Variants in GRID2 observed in about 807,000 individuals in gnomAD.
GRID2 encodes glutamate receptor ionotropic, delta-2.
A neutral mutation model predicts 114.8 loss-of-function variants in GRID2; 33 were observed. The ratio of observed to expected loss-of-function variants is 0.29; its 90% CI spans 0.22 to 0.38. The LOEUF is 0.38. Among genes scored for constraint, GRID2 ranks in the 10% least tolerant of loss-of-function variants. The pLI, the probability that GRID2 is intolerant of heterozygous loss-of-function variation, is 1.00. For synonymous variants in GRID2, 505 were observed against 449.9 expected (o/e 1.12, Z -1.55); for missense variants, 1,184 against 1,257.7 (o/e 0.94, Z 0.89).
At chr4:93,392,510 A>G (rs1485241808) in intron 8 of GRID2, among the ~76,000 whole-genome samples, 1 of 152,156 alleles carries the variant, frequency 6.6e-6, no homozygotes, top group East Asian at 1.9e-4. Flanking sequence ...ATTATTTTAA[A>G]AAGTTATTAT....
chr4:93,578,705 T>C (rs1229289476), intron 13 of GRID2, among the ~76,000 whole-genome samples: 1 of 147,968 alleles, frequency 6.8e-6, no homozygotes, highest in Non-Finnish European at 1.5e-5. Flanking sequence ...GCCATTCTCC[T>C]GCCTCAGCCT....
intron 1 of GRID2, among the ~76,000 whole-genome samples, chr4:93,803,618 A>G (rs1444663231): frequency 1.1e-4 from 16 of 152,108 alleles, no homozygotes; most frequent in Non-Finnish European, 2.4e-4. Context: ...GCCACTCGGG[A>G]GGCTGAGGCA....
At chr4:93,584,575 A>T (rs900816067) in intron 13 of GRID2, among the ~76,000 whole-genome samples, 2 of 152,106 alleles carry the variant, frequency 1.3e-5, no homozygotes, top group African/African-American at 4.8e-5. Flanking sequence ...AAGAGGATAC[A>T]ATAAAAGTAT....
chr4:93,677,215 G>T lies in GRID2; in HGVS notation c.2360+50780G>T, dbSNP rs1409779423. On this transcript the variant is annotated intron_variant, in intron 14 of 15. Transcript: ENST00000282020. Reference sequence around the variant, plus strand: ...TGAGATCAAACTGCAAGGTGGCAGTGAGGCTGGGGGAGGGGCGCCCGCCAT... The same window carrying T: ...TGAGATCAAACTGCAAGGTGGCAGTTAGGCTGGGGGAGGGGCGCCCGCCAT... 2.0e-5 allele frequency among the ~76,000 whole-genome samples: 3 copies of T among 152,208 alleles called. No individual in the cohort carries two copies. In the East Asian group the frequency reaches 5.8e-4, roughly 29 times the overall value.
At chr4:93,133,291 C>G (rs1734965738) in intron 4 of GRID2, among the ~76,000 whole-genome samples, 2 of 152,076 alleles carry the variant, frequency 1.3e-5, no homozygotes, top group African/African-American at 4.8e-5. Flanking sequence ...ATCTTTTATT[C>G]CTGATACATA....
chr4:93,359,704 A>G (rs543899438), intron 8 of GRID2, among the ~76,000 whole-genome samples: 15 of 146,468 alleles, frequency 1.0e-4, no homozygotes, highest in Non-Finnish European at 2.3e-4. Context: ...ATTCAACATA[A>G]TGATCTCTGG....
chr4:92,337,388 G>A (rs534875681), intron 1 of GRID2, among the ~76,000 whole-genome samples: 2 of 152,230 alleles, frequency 1.3e-5, no homozygotes, highest in South Asian at 2.1e-4. Flanking sequence ...TCTACAAGCA[G>A]AGCCTGAGTT....
chr4:92,457,735 A>G (rs1172349867), intron 1 of GRID2, among the ~76,000 whole-genome samples: 1 of 152,078 alleles, frequency 6.6e-6, no homozygotes, highest in Non-Finnish European at 1.5e-5. Context: ...AAAATGTGGC[A>G]TTTGCCTCCA....
At chr4:93,209,920 T>C (rs1261832131) in intron 5 of GRID2, among the ~76,000 whole-genome samples, 1 of 152,088 alleles carries the variant, frequency 6.6e-6, no homozygotes, top group East Asian at 1.9e-4. Flanking sequence ...TGTCTGTTGA[T>C]GTCCTTTGCC....
chr4:93,378,403 GA>G (rs1763564690), intron 8 of GRID2, among the ~76,000 whole-genome samples: 1 of 151,970 alleles, frequency 6.6e-6, no homozygotes, highest in Non-Finnish European at 1.5e-5. Flanking sequence ...ATCCTATAAG[GA>G]AAGGTGCATA....
intron 2 of GRID2, among the ~76,000 whole-genome samples, chr4:92,879,705 C>G (rs944580692): frequency 1.3e-5 from 2 of 152,234 alleles, no homozygotes; most frequent in Admixed American, 6.5e-5. Flanking sequence ...TTAAAAATCT[C>G]AGTCACAAAA....
intron 2 of GRID2, among the ~76,000 whole-genome samples, chr4:92,916,077 A>G (rs1344006850): frequency 6.6e-6 from 1 of 152,010 alleles, no homozygotes; most frequent in Non-Finnish European, 1.5e-5. Context: ...GTGTAATTAG[A>G]TCCCATTTGT....
At chr4:92,967,197 G>A (rs1034011309) in intron 2 of GRID2, among the ~76,000 whole-genome samples, 5 of 151,894 alleles carry the variant, frequency 3.3e-5, no homozygotes, top group Admixed American at 6.6e-5. Flanking sequence ...TGGGAGCCTT[G>A]TGAATTGTAG....
chr4:93,392,138 C>G (rs1407984855), intron 8 of GRID2, among the ~76,000 whole-genome samples: 5 of 152,096 alleles, frequency 3.3e-5, no homozygotes, highest in Non-Finnish European at 5.9e-5. Context: ...TCATGTGCTG[C>G]AAGGGCCATC....
intron 14 of GRID2, among the ~76,000 whole-genome samples, chr4:93,744,200 T>A (rs1731649140): frequency 6.6e-6 from 1 of 152,218 alleles, no homozygotes; most frequent in Non-Finnish European, 1.5e-5. Flanking sequence ...GAGATAATGT[T>A]GTTTTCGTGC....
At chr4:93,206,962 A>G (rs1458598749) in intron 4 of GRID2, among the ~76,000 whole-genome samples, 1 of 152,114 alleles carries the variant, frequency 6.6e-6, no homozygotes, top group East Asian at 1.9e-4. Context: ...ACAGAGAAGT[A>G]GCAGCAGATA....
chr4:93,607,228 G>T (rs894621854), intron 13 of GRID2, among the ~76,000 whole-genome samples: 1 of 151,780 alleles, frequency 6.6e-6, no homozygotes, highest in African/African-American at 2.4e-5. Context: ...TTTTAATAAC[G>T]TACTAACATG....
chr4:93,223,336 A>G (rs904189594), intron 6 of GRID2, among the ~76,000 whole-genome samples: 1 of 152,152 alleles, frequency 6.6e-6, no homozygotes, highest in Non-Finnish European at 1.5e-5. Flanking sequence ...AAAAAGGCCT[A>G]CAAGTATTAT....
chr4:93,189,773 CCACACACACA>C (rs34137840), intron 4 of GRID2, among the ~76,000 whole-genome samples: 262 of 138,970 alleles, frequency 1.9e-3, no homozygotes, highest in East Asian at 4.7e-3. Flanking sequence ...CCACACCACA[CCACACACACA>C]CACACACACA....
Sources: allele counts gnomAD v4.1 joint callset (sites outside exome capture counted in the v4.1 genomes callset), GRCh38; gene constraint gnomAD v4.1.1; transcripts MANE v1.5; gene names NCBI Gene and HGNC (gene_info 2026-07-23, HGNC 2026-07-21).